Variants in SETDB1 observed in about 807,000 individuals in gnomAD.
SETDB1 encodes histone-lysine N-methyltransferase SETDB1.
A neutral mutation model predicts 137.4 loss-of-function variants in SETDB1; 31 were observed. The ratio of observed to expected loss-of-function variants is 0.23; its 90% confidence interval spans 0.17 to 0.30. SETDB1 has a LOEUF of 0.30. Among genes scored for constraint, SETDB1 ranks in the 10% least tolerant of loss-of-function variants. SETDB1 has a pLI of 1.00. For missense variants in SETDB1, 1,113 were observed against 1,631.5 expected, an observed-to-expected ratio of 0.68 and a Z score of 5.47; for synonymous variants, 548 against 579.9, an observed-to-expected ratio of 0.95 and a Z score of 0.79.
In SETDB1 at chr1:150,963,461, G is replaced by C; in HGVS notation, c.3461-69G>C. 3 of 1,242,788 alleles carry C rather than the reference G, an allele frequency of 2.4e-6. No individual in the cohort carries two copies. The East Asian group carries it at 7.0e-5, about 29-fold the overall frequency. 77.0% of individuals were successfully genotyped at this position (1,242,788 alleles called of 1,614,324 possible). A position where few individuals can be genotyped will look rare whatever the true frequency, so the allele number is the denominator to read the frequency against. ...GTTGGGAGAGAAATAGGGGTAGAAT[G>C]TCCATTCATGATAGAATGTCTGTTC... On this transcript the variant is annotated intron_variant, in intron 19 of 21. Transcript: ENST00000692827.
At chr1:150,931,726 C>CA (rs10691133) in intron 3 of SETDB1, among the ~76,000 whole-genome samples, 6,365 of 72,262 alleles carry the variant, frequency 0.088, 1,027 homozygotes, top group African/African-American at 0.29. Flanking sequence ...CTGTCTCACC[C>CA]AAAAAAAAAA....
chr1:150,943,680 ATATT>A (rs1670231537), intron 7 of SETDB1, among the ~76,000 whole-genome samples: 1 of 152,212 alleles, frequency 6.6e-6, no homozygotes, highest in Non-Finnish European at 1.5e-5. Context: ...CGTCTCAAAA[ATATT>A]TATATGTATA....
rs983854207 is a variant in SETDB1, at chr1:150,944,901, C to T, written c.950-17C>T. The T allele has an allele frequency of 1.9e-6, 3 of 1,613,792 alleles. No homozygotes were observed. In the East Asian group the frequency reaches 6.7e-5, roughly 36 times the overall value. ...TGCCCTACCTGCCCTCTCAGTTCTA[C>T]TTCTTCCTTGAAACAGTGAAAAAGA... On this transcript the variant is annotated splice_polypyrimidine_tract_variant and intron_variant, in intron 8 of 21. Transcript: ENST00000692827.
intron 12 of SETDB1, 150 bp downstream of exon 12, chr1:150,949,675 C>A: frequency 1.7e-6 from 1 of 596,138 alleles, no homozygotes; most frequent in Non-Finnish European, 2.8e-6. Flanking sequence ...CATAGAAGTT[C>A]CTAAGAAATA....
intron 3 of SETDB1, among the ~76,000 whole-genome samples, chr1:150,933,779 C>CTTTTTTTTTTTT (rs890205371): frequency 2.0e-4 from 4 of 20,114 alleles, no homozygotes; most frequent in African/African-American, 2.7e-4. Flanking sequence ...TTTTCTTTTT[C>CTTTTTTTTTTTT]TTTTTTTTTT....
chr1:150,956,021 G>A (rs1263367805), intron 14 of SETDB1, among the ~76,000 whole-genome samples: 5 of 151,756 alleles, frequency 3.3e-5, no homozygotes, highest in African/African-American at 1.2e-4. Context: ...GAACCCAGGA[G>A]GCAGAGGTTG....
rs1670860163 is a variant in SETDB1, at chr1:150,962,666, A to G, written c.3241A>G (p.Thr1081Ala). Residue 1081 changes from threonine (T) to alanine (A), a missense_variant, in exon 18 of 22, where the codon ACT becomes GCT. By Grantham distance (58) the Thr-to-Ala change is moderately conservative. Around this residue, in one of 11 missense-constraint regions of SETDB1, gnomAD observed 373 missense variants for 412.7 expected, o/e 0.90. Transcript: ENST00000692827. ...AGGACTTCGCCGCCCACCTAGTAAG[A>G]CTAGTATGCATCAAAGCCGAAGACT... ...PEGLRRPPSK[T>A]SMHQSRRLMA... 1 of 1,614,000 alleles carries G rather than the reference A, an allele frequency of 6.2e-7. No homozygotes were observed. Among genetic ancestry groups the G allele is most frequent in the Non-Finnish European group, 8.5e-7 (1 of 1,179,942 alleles).
chr1:150,945,078 G>A lies in SETDB1; in HGVS notation c.1110G>A (p.Val370=). ...GGTGGAAGTCCCGAGTTGAGGAGGT[G>A]GATGGCAGCCTAGTCAGGATCCTCT... ...GTWWKSRVEE[V]DGSLVRILFL... The change falls in exon 9 of 22, where the codon GTG becomes GTA. Residue 370 remains valine (V), a synonymous_variant. Coordinates refer to ENST00000692827, the MANE Select transcript of SETDB1 (RefSeq NM_001366418.1). 1 of 1,614,080 alleles carries A rather than the reference G, an allele frequency of 6.2e-7. No individual in the cohort carries two copies. The highest frequency in any genetic ancestry group is 8.5e-7 in the Non-Finnish European group (1 of 1,180,020).
At chr1:150,930,302 C>T (rs1000610954) in intron 3 of SETDB1, 184 bp downstream of exon 3, 10 of 537,956 alleles carry the variant, frequency 1.9e-5, no homozygotes, top group Admixed American at 3.5e-5. Flanking sequence ...TCCCTATGTG[C>T]TACACCCTGA....
At chr1:150,942,298 G>C (rs902877048) in intron 5 of SETDB1, among the ~76,000 whole-genome samples, 2 of 151,388 alleles carry the variant, frequency 1.3e-5, no homozygotes, top group African/African-American at 2.4e-5. Context: ...AATTAGCTGG[G>C]TGTAGTGGTG....
Position 150,953,824 on chromosome 1 carries a change from G to A in SETDB1, c.2333+2343G>A, listed in dbSNP as rs141171793. Among the ~76,000 whole-genome samples, 1,491 of 151,016 alleles carry A rather than the reference G, an allele frequency of 9.9e-3. 19 individuals carry two copies. The highest frequency in any genetic ancestry group is 0.034 in the African/African-American group (1,410 of 41,164). ...AGTCTGGACAACACAACAAGACTCC[G>A]TCTCAAAAAAAATGATTTAAAAATT... On this transcript the variant is annotated intron_variant, in intron 14 of 21. Coordinates refer to ENST00000692827, the MANE Select transcript of SETDB1 (RefSeq NM_001366418.1).
chr1:150,936,955 T>A (rs1007477374), intron 3 of SETDB1, among the ~76,000 whole-genome samples: 4 of 152,074 alleles, frequency 2.6e-5, no homozygotes, highest in Non-Finnish European at 5.9e-5. Flanking sequence ...CGAAATCCCA[T>A]CTCTACTAAA....
intron 3 of SETDB1, among the ~76,000 whole-genome samples, chr1:150,931,678 A>G (rs1304720405): frequency 7.4e-6 from 1 of 135,056 alleles, no homozygotes; most frequent in East Asian, 2.3e-4. Context: ...AAAAGAAACC[A>G]CACTACTGCA....
chr1:150,964,385 C>T lies in SETDB1; in HGVS notation c.*21C>T, dbSNP rs587676143. On this transcript the variant is annotated 3_prime_UTR_variant, in exon 22 of 22. Transcript: ENST00000692827. ...TTTAGAGGACAGCCTTCTTCCCAAC[C>T]CTTCTTGAACTGTCGTTTCCTCAGG... The T allele has an allele frequency of 1.2e-5, 19 of 1,549,736 alleles. No individual in the cohort carries two copies. The African/African-American group carries it at 2.4e-4, about 20-fold the overall frequency.
intron 20 of SETDB1, 65 bp from the exon 21 acceptor site, chr1:150,963,930 A>G: frequency 2.0e-6 from 3 of 1,482,908 alleles, no homozygotes; most frequent in Non-Finnish European, 2.8e-6. Context: ...TCCAACTCTC[A>G]CTCTCCCTGC....
chr1:150,935,526 C>T (rs1669918503), intron 3 of SETDB1, among the ~76,000 whole-genome samples: 1 of 151,802 alleles, frequency 6.6e-6, no homozygotes, highest in African/African-American at 2.4e-5. Flanking sequence ...GTCTCTGAAG[C>T]TTTGTTCATT....
At position 150,927,847 on chromosome 1, in the gene SETDB1, G is replaced by C; in HGVS notation, c.133G>C (p.Asp45His). Residue 45 changes from aspartate (D) to histidine (H), a missense_variant, in exon 2 of 22, where the codon GAT (aspartate) becomes CAT (histidine). Asp to His is a moderately conservative substitution (Grantham distance 81, BLOSUM62 -1). Around this residue, in one of 11 missense-constraint regions of SETDB1, gnomAD observed 159 missense variants for 188.6 expected, o/e 0.84. Coordinates refer to ENST00000692827, the MANE Select transcript of SETDB1 (RefSeq NM_001366418.1). Reference protein sequence around the residue: ...ISMEELRHFIDEELEKMDCVQ... With the variant: ...ISMEELRHFIHEELEKMDCVQ... ...TATGGAGGAACTTCGGCATTTCATC[G>C]ATGAGGAACTGGAGAAGATGGATTG... The C allele has an allele frequency of 6.2e-7, 1 of 1,614,138 alleles. No individual in the cohort carries two copies.
chr1:150,929,924 C>T, intron 2 of SETDB1, 43 bp from the exon 3 acceptor site: 1 of 1,560,600 alleles, frequency 6.4e-7, no homozygotes, highest in African/African-American at 1.4e-5. Flanking sequence ...TCTCTTAATT[C>T]CTCTACTGGC....
At chr1:150,926,676 A>G in intron 1 of SETDB1, 159 bp downstream of exon 1, 2 of 517,950 alleles carry the variant, frequency 3.9e-6, no homozygotes, top group Admixed American at 4.2e-5. Flanking sequence ...GCACCCCTAG[A>G]ATGGGTAGCA....
Sources: allele counts gnomAD v4.1 joint callset (sites outside exome capture counted in the v4.1 genomes callset), GRCh38; gene constraint gnomAD v4.1.1; regional missense constraint gnomAD v4.1.1; transcripts MANE v1.5; gene names NCBI Gene and HGNC (gene_info 2026-07-23, HGNC 2026-07-21).